The following DOP1B variants were observed in gnomAD, a reference collection of about 807,000 sequenced individuals.
DOP1B encodes the protein protein DOP1B.
A neutral mutation model predicts 233.5 loss-of-function variants in DOP1B; 174 were observed. The ratio of observed to expected loss-of-function variants is 0.75; its 90% CI spans 0.66 to 0.85. The LOEUF (loss-of-function observed/expected upper bound fraction) is 0.85, where lower values mean the gene tolerates loss of function less well. Ranked by LOEUF, DOP1B falls within the 40% of genes least tolerant of loss-of-function variation. The pLI, the probability that DOP1B is intolerant of heterozygous loss-of-function variation, is 0.00. For missense variants in DOP1B, 2,652 were observed against 2,846.6 expected, an observed-to-expected ratio of 0.93 and a Z score of 1.56; for synonymous variants, 1,190 against 1,185.6, an observed-to-expected ratio of 1.00 and a Z score of -0.08.
chr21:36,239,717 G>T, intron 17 of DOP1B, 48 bp from the exon 18 acceptor site: 1 of 1,485,410 alleles, frequency 6.7e-7, no homozygotes. Context: ...GGTGCCTGGC[G>T]CACAGGGGTG....
intron 1 of DOP1B, among the ~76,000 whole-genome samples, chr21:36,163,371 A>G (rs1216888301): frequency 1.3e-5 from 2 of 149,554 alleles, no homozygotes; most frequent in Non-Finnish European, 3.0e-5. Context: ...AAAGAAAGAA[A>G]GTAGTGGTGG....
intron 2 of DOP1B, among the ~76,000 whole-genome samples, chr21:36,189,928 G>A (rs1221941374): frequency 7.1e-6 from 1 of 140,224 alleles, no homozygotes; most frequent in Non-Finnish European, 1.5e-5. Context: ...GAGAATCGCT[G>A]GAACCTGGGA....
chr21:36,181,041 T>G (rs1214769031), intron 2 of DOP1B, among the ~76,000 whole-genome samples: 1 of 152,246 alleles, frequency 6.6e-6, no homozygotes, highest in East Asian at 1.9e-4. Flanking sequence ...CAACCAATAC[T>G]GATTTGTATT....
At chr21:36,291,968 CTA>C (rs1432547644) in intron 35 of DOP1B, 134 bp from the exon 36 acceptor site, 4 of 1,060,726 alleles carry the variant, frequency 3.8e-6, no homozygotes, top group East Asian at 2.8e-5. Flanking sequence ...ACGTGCAACT[CTA>C]TGAATATAAT....
intron 18 of DOP1B, among the ~76,000 whole-genome samples, chr21:36,242,151 C>T (rs2066899209): frequency 1.4e-4 from 20 of 143,982 alleles, no homozygotes; most frequent in African/African-American, 4.9e-4. Context: ...GTTCCTTGGG[C>T]ATTATTATTA....
chr21:36,273,236 G>A (rs2067310943), intron 27 of DOP1B, among the ~76,000 whole-genome samples: 2 of 151,554 alleles, frequency 1.3e-5, no homozygotes, highest in African/African-American at 2.4e-5. Flanking sequence ...ATGAAACCCT[G>A]TCTCTACTAA....
In DOP1B at chr21:36,225,214, C is replaced by T. The variant is rs150074980; in HGVS notation, c.1371-351C>T. Among the ~76,000 whole-genome samples the T allele has an allele frequency of 6.1e-3, 921 of 151,960 alleles. 7 individuals carry two copies. The highest frequency in any genetic ancestry group is 0.022 in the African/African-American group (893 of 41,468). ...AATTGTAAGAAATGCTTGGACTTAC[C>T]GCAGGAAGAAGAATTGATTTTTTTT... On this transcript the variant is annotated intron_variant, in intron 11 of 36. Coordinates refer to ENST00000691173, the MANE Select transcript of DOP1B (RefSeq NM_001320714.2).
chr21:36,251,389 A>C (rs1422355880), intron 22 of DOP1B, 105 bp downstream of exon 22: 1 of 1,403,388 alleles, frequency 7.1e-7, no homozygotes, highest in Non-Finnish European at 9.5e-7. Context: ...ATGGGAAACT[A>C]TTGAGTTGAT....
chr21:36,238,132 A>C (rs1490543889), intron 16 of DOP1B, among the ~76,000 whole-genome samples: 1 of 152,220 alleles, frequency 6.6e-6, no homozygotes, highest in Non-Finnish European at 1.5e-5. Flanking sequence ...GCGCCACTGC[A>C]CTCTGGTTTG....
chr21:36,222,123 C>T (rs1427340982), intron 10 of DOP1B, among the ~76,000 whole-genome samples: 6 of 151,890 alleles, frequency 4.0e-5, no homozygotes, highest in South Asian at 2.1e-4. Context: ...CTGCCTGCCT[C>T]GGCCTCCCAA....
chr21:36,179,408 T>A (rs992590437), intron 2 of DOP1B, among the ~76,000 whole-genome samples: 1 of 152,262 alleles, frequency 6.6e-6, no homozygotes, highest in African/African-American at 2.4e-5. Context: ...AGTGTAATAC[T>A]CTCTTATTGT....
In DOP1B at chr21:36,211,666, C is replaced by T. The variant is rs755479265; in HGVS notation, c.780+15C>T. 11 of 1,611,312 alleles carry T rather than the reference C, an allele frequency of 6.8e-6. No homozygotes were observed. The Admixed American group carries it at 1.0e-4, about 15-fold the overall frequency. On this transcript the variant is annotated intron_variant, in intron 6 of 36. Transcript: ENST00000691173. ...ATACCTGTCTGGTAAGTAATTTGTA[C>T]TCTTCTGGTAAGTCACTGGTGTTTC...
In DOP1B at chr21:36,289,105, G is replaced by C. The variant is rs369890994; in HGVS notation, c.6414G>C (p.Val2138=). 1.2e-5 allele frequency: 20 copies of C among 1,613,916 alleles called. No individual in the cohort carries two copies. Among genetic ancestry groups the C allele is most frequent in the African/African-American group, 1.2e-4 (9 of 74,934 alleles). ...TCCCGGATGCAAATGGACCCTCAGT[G>C]GGGGAGATACCCCAGAGTGAACTCA... ...VSVPDANGPS[V]GEIPQSELIL... The change falls in exon 35 of 37, where the codon GTG becomes GTC. Residue 2138 remains valine (V), a synonymous_variant. Transcript: ENST00000691173.
chr21:36,176,106 G>A (rs200383857), intron 2 of DOP1B, among the ~76,000 whole-genome samples: 3 of 71,328 alleles, frequency 4.2e-5, no homozygotes, highest in South Asian at 7.0e-4. Context: ...GCGTGTGTGT[G>A]TGTGTGTGTG....
intron 19 of DOP1B, among the ~76,000 whole-genome samples, chr21:36,247,185 C>T (rs2066977215): frequency 6.6e-6 from 1 of 152,156 alleles, no homozygotes; most frequent in South Asian, 2.1e-4. Flanking sequence ...AGCCCTGATC[C>T]TTTATTTCAA....
chr21:36,185,233 G>T (rs974665402), intron 2 of DOP1B, among the ~76,000 whole-genome samples: 11 of 152,152 alleles, frequency 7.2e-5, no homozygotes, highest in Non-Finnish European at 1.2e-4. Flanking sequence ...GGTTTGTGAT[G>T]ATAAATGCAT....
At chr21:36,264,616 G>A (rs539492186) in intron 26 of DOP1B, among the ~76,000 whole-genome samples, 102 of 152,070 alleles carry the variant, frequency 6.7e-4, no homozygotes, top group Non-Finnish European at 1.3e-3. Flanking sequence ...TGAGATTACA[G>A]ACATGCCACC....
intron 22 of DOP1B, among the ~76,000 whole-genome samples, chr21:36,252,136 C>T (rs942855929): frequency 2.0e-5 from 3 of 151,416 alleles, no homozygotes; most frequent in African/African-American, 7.3e-5. Context: ...ATGATTGTGC[C>T]ACTGCATTCC....
chr21:36,292,926 TA>T (rs1483034650), intron 36 of DOP1B, among the ~76,000 whole-genome samples: 5 of 152,066 alleles, frequency 3.3e-5, no homozygotes. Flanking sequence ...CTTTTCTTTT[TA>T]AAAATTATAT....
Sources: allele counts gnomAD v4.1 joint callset (sites outside exome capture counted in the v4.1 genomes callset), GRCh38; gene constraint gnomAD v4.1.1; transcripts MANE v1.5; gene names NCBI Gene and HGNC (gene_info 2026-07-23, HGNC 2026-07-21).